The following HECTD4 variants were observed in gnomAD, a reference collection of about 807,000 sequenced individuals.
HECTD4 encodes probable E3 ubiquitin-protein ligase HECTD4.
Under a neutral mutation model 471.5 loss-of-function variants are expected in HECTD4, and 114 were observed. That is an observed-to-expected ratio of 0.24 (90% CI 0.21 to 0.28). HECTD4 has a LOEUF of 0.28. HECTD4 is among the 10% of genes least tolerant of loss of function. The pLI, the probability that HECTD4 is intolerant of heterozygous loss-of-function variation, is 1.00. For missense variants in HECTD4, 3,866 were observed against 5,651.5 expected (o/e 0.68, Z 10.13); for synonymous variants, 2,012 against 2,256.0 (o/e 0.89, Z 3.07).
intron 24 of HECTD4, among the ~76,000 whole-genome samples, chr12:112,250,755 T>C (rs181516273): frequency 3.4e-4 from 52 of 152,302 alleles, no homozygotes; most frequent in Admixed American, 4.6e-4. Flanking sequence ...GGAGAAAAGC[T>C]TATGCAGTTC....
intron 7 of HECTD4, among the ~76,000 whole-genome samples, chr12:112,292,256 T>A (rs2034903996): frequency 1.3e-5 from 2 of 152,198 alleles, no homozygotes; most frequent in Non-Finnish European, 2.9e-5. Flanking sequence ...ATATGCCATT[T>A]CCTGTCTGTA....
At position 112,269,019 on chromosome 12, in the gene HECTD4, A is replaced by C. The variant is rs367847395; in HGVS notation, c.2321+685T>G. Among the ~76,000 whole-genome samples the C allele has an allele frequency of 0.054, 8,023 of 149,928 alleles. 1,175 individuals carry two copies. In the East Asian group the frequency reaches 0.6, roughly 11 times the overall value. Reference sequence around the variant, plus strand: ...CCTCCCGTGTAGCTGGGACTACAGGAGCGCGCCACCATGCCCGGCTAATTT... The same window carrying C: ...CCTCCCGTGTAGCTGGGACTACAGGCGCGCGCCACCATGCCCGGCTAATTT... On this transcript the variant is annotated intron_variant, in intron 13 of 75. Coordinates refer to ENST00000682272, the MANE Select transcript of HECTD4 (RefSeq NM_001388303.1).
intron 1 of HECTD4, among the ~76,000 whole-genome samples, chr12:112,362,156 T>G (rs930056592): frequency 6.6e-6 from 1 of 152,236 alleles, no homozygotes; most frequent in Non-Finnish European, 1.5e-5. Flanking sequence ...TAAGTATCTA[T>G]CTGTACTCAA....
rs888970943 is a variant in HECTD4, at chr12:112,381,852, G to A, written c.177+100C>T. On this transcript the variant is annotated intron_variant, in intron 1 of 75. Coordinates refer to ENST00000682272, the MANE Select transcript of HECTD4 (RefSeq NM_001388303.1). The surrounding 1 kb of genome is among the most constrained non-coding windows in gnomAD (Gnocchi z 4.1). ...ACACACACCTGCCCCGGCAGCCGCC[G>A]GGAGGCGAGGCCGCGGCTGAGGCGA... The A allele has an allele frequency of 3.1e-5, 27 of 871,832 alleles. No individual in the cohort carries two copies. Among genetic ancestry groups the A allele is most frequent in the Non-Finnish European group, 7.5e-6 (5 of 666,576 alleles). The allele number at this position is 871,832 out of a possible 1,614,324, so 54.0% of individuals were successfully genotyped here. A position where few individuals can be genotyped will look rare whatever the true frequency, so the allele number is the denominator to read the frequency against.
At position 112,273,785 on chromosome 12, in the gene HECTD4, A is replaced by G. The variant is rs1427578149; in HGVS notation, c.1812T>C (p.Tyr604=). 1 of 1,613,768 alleles carries G rather than the reference A, an allele frequency of 6.2e-7. No individual in the cohort carries two copies. Among genetic ancestry groups the G allele is most frequent in the Non-Finnish European group, 8.5e-7 (1 of 1,179,868 alleles). Residue 604 remains tyrosine (Y), a synonymous_variant, in exon 11 of 76, where the codon TAT becomes TAC. Transcript: ENST00000682272. ...GALVPGLGAC[Y]DTVNNMLWTC... is the part of the protein sequence containing the mutation. The stretch of plus-strand genomic sequence containing the variant: ...TCCATAGCATGTTGTTCACTGTGTC[A>G]TAACACGCTCCTGCAAAAAGAGCAT...
Position 112,309,667 on chromosome 12 carries a change from C to A in HECTD4, c.919G>T (p.Ala307Ser), listed in dbSNP as rs925268320. Residue 307 changes from alanine to serine, a missense_variant and splice_region_variant, in exon 5 of 76, where the codon GCT becomes TCT. Physicochemically the swap from Ala to Ser is moderately conservative, Grantham distance 99 (BLOSUM62 1). Transcript: ENST00000682272. Reference protein sequence around the residue: ...NTGSSSENKDADLGRCLTADG... With the variant: ...NTGSSSENKDSDLGRCLTADG... ...GCCGTGAGACAGCGTCCCAAGTCAGCATCTGAAATCGTTTTTTCACAGGTA... is the reference window on the plus strand; with the variant it reads ...GCCGTGAGACAGCGTCCCAAGTCAGAATCTGAAATCGTTTTTTCACAGGTA... 2 of 1,487,726 alleles carry A rather than the reference C, an allele frequency of 1.3e-6. No individual in the cohort carries two copies. Among genetic ancestry groups the A allele is most frequent in the African/African-American group, 1.4e-5 (1 of 71,836 alleles). 92.2% of individuals were successfully genotyped at this position (1,487,726 alleles called of 1,614,324 possible).
chr12:112,333,904 A>C (rs1042134207), intron 1 of HECTD4, among the ~76,000 whole-genome samples: 4 of 152,064 alleles, frequency 2.6e-5, no homozygotes, highest in Non-Finnish European at 4.4e-5. Context: ...CTGATGAGAG[A>C]AAACTTCACT....
chr12:112,327,489 G>A (rs1252204291), intron 1 of HECTD4, among the ~76,000 whole-genome samples: 1 of 151,720 alleles, frequency 6.6e-6, no homozygotes, highest in African/African-American at 2.4e-5. Context: ...CTCTAATTAG[G>A]AGTCTGTAAA....
intron 72 of HECTD4, among the ~76,000 whole-genome samples, chr12:112,164,910 C>T (rs1341316314): frequency 2.0e-5 from 3 of 150,528 alleles, no homozygotes; most frequent in Admixed American, 6.6e-5. Context: ...GTGTGAGCCA[C>T]TGCACCCAGA....
intron 1 of HECTD4, among the ~76,000 whole-genome samples, chr12:112,330,748 T>C (rs144816969): frequency 6.6e-6 from 1 of 152,318 alleles, no homozygotes; most frequent in East Asian, 1.9e-4. Context: ...AGAATAATCC[T>C]CTTAGGGCTT....
chr12:112,246,540 CAGA>C (rs999600392), intron 29 of HECTD4, among the ~76,000 whole-genome samples: 6 of 152,056 alleles, frequency 3.9e-5, no homozygotes, highest in Non-Finnish European at 2.9e-5. Flanking sequence ...GAGGCTGAAG[CAGA>C]AGAATTGCTT....
intron 13 of HECTD4, 101 bp downstream of exon 13, chr12:112,269,603 G>T: frequency 8.1e-7 from 1 of 1,236,894 alleles, no homozygotes; most frequent in Non-Finnish European, 1.1e-6. Context: ...ATTGTGGGAT[G>T]GGGTAAGAGG....
intron 32 of HECTD4, among the ~76,000 whole-genome samples, chr12:112,241,102 T>A (rs1197908983): frequency 6.6e-6 from 1 of 152,198 alleles, no homozygotes; most frequent in Non-Finnish European, 1.5e-5. Context: ...ACACAGACAC[T>A]AAAGTGTTAA....
Position 112,381,618 on chromosome 12 carries a change from G to A in HECTD4, c.177+334C>T, listed in dbSNP as rs184062022. On this transcript the variant is annotated intron_variant, in intron 1 of 75. Coordinates refer to ENST00000682272, the MANE Select transcript of HECTD4 (RefSeq NM_001388303.1). The surrounding 1 kb of genome is among the most constrained non-coding windows in gnomAD (Gnocchi z 4.1). ...TCCTGGGGGCCCGTGGGGGAGGGGA[G>A]GGAGGGCCCGGGTGGTGGCGGTGGC... is the stretch of plus-strand genomic sequence containing the variant. Among the ~76,000 whole-genome samples the A allele has an allele frequency of 7.2e-3, 1,098 of 152,300 alleles. 13 individuals are homozygous for A. The highest frequency in any genetic ancestry group is 0.024 in the African/African-American group (1,006 of 41,572).
At chr12:112,301,985 CTGTCAT>C (rs1315888389) in intron 7 of HECTD4, 11 of 876,892 alleles carry the variant, frequency 1.3e-5, no homozygotes, top group Non-Finnish European at 2.1e-5. Context: ...CTCATCGTAT[CTGTCAT>C]TGTCATTGGT....
intron 22 of HECTD4, 180 bp from the exon 23 acceptor site, chr12:112,252,708 G>T: frequency 1.4e-6 from 1 of 730,474 alleles, no homozygotes; most frequent in Non-Finnish European, 2.2e-6. Flanking sequence ...TCCTTTAAGT[G>T]TCTCTCCTGA....
rs376099713 is a variant in HECTD4, at chr12:112,195,104, G to A, written c.8568-38C>T. The A allele has an allele frequency of 1.9e-5, 29 of 1,542,714 alleles. No homozygotes were observed. In the African/African-American group the frequency reaches 3.6e-4, roughly 19 times the overall value. ...AGGTGGGTGAGATACTCAAAGCCCT[G>A]ATGCTCCGGCCCCCATACCGGGACC... On this transcript the variant is annotated intron_variant, in intron 55 of 75. Transcript: ENST00000682272.
chr12:112,190,680 G>T, intron 60 of HECTD4, 106 bp downstream of exon 60: 2 of 970,184 alleles, frequency 2.1e-6, no homozygotes, highest in Middle Eastern at 3.1e-4. Flanking sequence ...CAGCTGCCTG[G>T]GCTACCTGTG....
In HECTD4 at chr12:112,324,099, T is replaced by TTTCTTTCTTTCCTTCC. The variant is rs1566112267; in HGVS notation, c.178-4358_178-4357insGGAAGGAAAGAAAGAA. Among the ~76,000 whole-genome samples the TTTCTTTCTTTCCTTCC allele has an allele frequency of 2.0e-5, 2 of 101,842 alleles. 1 individual carries two copies. The highest frequency in any genetic ancestry group is 1.0e-4 in the African/African-American group (2 of 19,226). 66.8% of individuals were successfully genotyped at this position (101,842 alleles called of 152,430 possible). A position where few individuals can be genotyped will look rare whatever the true frequency, so the allele number is the denominator to read the frequency against. ...CTTTCTTTCTTTCTTTCTTTCTTTCTTTCCTCTCTCTCTTTCTTTCTTTTT... is the reference window on the plus strand; with the variant it reads ...CTTTCTTTCTTTCTTTCTTTCTTTCTTTCTTTCTTTCCTTCCTTCCTCTCTCTCTTTCTTTCTTTTT... On this transcript the variant is annotated intron_variant, in intron 1 of 75. Coordinates refer to ENST00000682272, the MANE Select transcript of HECTD4 (RefSeq NM_001388303.1).
Sources: gnomAD v4.1 joint callset for allele counts (sites outside exome capture counted in the v4.1 genomes callset) on GRCh38, gnomAD v4.1.1 for gene constraint, Gnocchi (gnomAD v3.1) non-coding constraint, MANE v1.5 for transcripts, NCBI Gene and HGNC (gene_info 2026-07-23, HGNC 2026-07-21) for gene names.